NCAM2: variants seen among roughly 807,000 people sequenced by gnomAD.
NCAM2 encodes neural cell adhesion molecule 2.
NCAM2 carries 30 observed loss-of-function variants against 98.1 expected under a neutral mutation model. The observed-to-expected ratio is 0.31, with a 90% CI of 0.23 to 0.41. The LOEUF (loss-of-function observed/expected upper bound fraction) is 0.41. NCAM2 is among the 10% of genes least tolerant of loss of function. The pLI is 1.00. For synonymous variants in NCAM2, 368 were observed against 342.4 expected, an observed-to-expected ratio of 1.07 and a Z score of -0.83; for missense variants, 867 against 1,005.8, an observed-to-expected ratio of 0.86 and a Z score of 1.87.
intron 5 of NCAM2, among the ~76,000 whole-genome samples, chr21:21,307,706 C>G: frequency 6.6e-6 from 1 of 152,092 alleles, no homozygotes; most frequent in East Asian, 1.9e-4. Context: ...TGAGCAATTC[C>G]CTTCTGAACC....
At chr21:21,308,353 T>G (rs187881019) in intron 5 of NCAM2, among the ~76,000 whole-genome samples, 29 of 152,176 alleles carry the variant, frequency 1.9e-4, no homozygotes, top group Admixed American at 1.6e-3. Context: ...GAGAAAACCT[T>G]TTTTTACTTT....
intron 10 of NCAM2, among the ~76,000 whole-genome samples, chr21:21,418,266 T>A (rs2145955859): frequency 6.6e-6 from 1 of 152,188 alleles, no homozygotes; most frequent in Non-Finnish European, 1.5e-5. Flanking sequence ...ATTTGCCTAG[T>A]CCTGTGGATA....
rs370028865 is a variant in NCAM2 at position 21,249,076 on chromosome 21, A to G, written c.56-31502A>G. ...TAGCTTTCCTTACCAATTATGAGGT[A>G]AAAATAGTAATAAAATAATAATAAT... On this transcript the variant is annotated intron_variant, in intron 1 of 17. Transcript: ENST00000400546. 2.0e-4 allele frequency among the ~76,000 whole-genome samples: 30 copies of G among 152,264 alleles called. No individual in the cohort carries two copies. The East Asian group carries it at 4.2e-3, about 22-fold the overall frequency.
intron 1 of NCAM2, among the ~76,000 whole-genome samples, chr21:21,004,137 A>G (rs1308621193): frequency 1.3e-5 from 2 of 152,176 alleles, no homozygotes; most frequent in East Asian, 1.9e-4. Context: ...TCCTAACACC[A>G]AACTTGTTCA....
intron 1 of NCAM2, among the ~76,000 whole-genome samples, chr21:21,127,509 T>C (rs2066851570): frequency 6.6e-6 from 1 of 152,090 alleles, no homozygotes; most frequent in Non-Finnish European, 1.5e-5. Flanking sequence ...CTATAATTTC[T>C]CTGTAACTAT....
chr21:21,145,445 C>T (rs2067251927), intron 1 of NCAM2, among the ~76,000 whole-genome samples: 1 of 152,100 alleles, frequency 6.6e-6, no homozygotes, highest in Non-Finnish European at 1.5e-5. Context: ...TGATAACAAT[C>T]TTCATAAAAA....
chr21:21,117,752 C>T (rs867599169), intron 1 of NCAM2, among the ~76,000 whole-genome samples: 78 of 152,144 alleles, frequency 5.1e-4, no homozygotes, highest in African/African-American at 1.7e-3. Flanking sequence ...TATCTTTGTT[C>T]GTGATTCTGC....
At chr21:21,286,180 A>G (rs2073091550) in intron 3 of NCAM2, 89 bp from the exon 4 acceptor site, 1 of 1,335,896 alleles carries the variant, frequency 7.5e-7, no homozygotes, top group African/African-American at 1.5e-5. Context: ...TTATAGTATC[A>G]ATAGAGTCTG....
At chr21:21,243,184 A>T (rs1242694655) in intron 1 of NCAM2, among the ~76,000 whole-genome samples, 1 of 152,220 alleles carries the variant, frequency 6.6e-6, no homozygotes, top group African/African-American at 2.4e-5. Context: ...CAGCAGTTGC[A>T]TGAAACTCAG....
chr21:21,241,157 T>C (rs1230640066), intron 1 of NCAM2, among the ~76,000 whole-genome samples: 1 of 152,036 alleles, frequency 6.6e-6, no homozygotes, highest in East Asian at 1.9e-4. Context: ...TGCAAACACT[T>C]TCAATTAAAA....
chr21:21,506,560 A>G (rs1047485695), intron 15 of NCAM2, among the ~76,000 whole-genome samples: 9 of 152,076 alleles, frequency 5.9e-5, no homozygotes, highest in Admixed American at 3.3e-4. Flanking sequence ...ACTGATAACT[A>G]ATCTTTGGAA....
chr21:21,149,872 A>G (rs1185440561), intron 1 of NCAM2, among the ~76,000 whole-genome samples: 1 of 152,168 alleles, frequency 6.6e-6, no homozygotes, highest in African/African-American at 2.4e-5. Context: ...GTTTCAATAA[A>G]CATACATGTG....
chr21:21,065,580 G>A (rs968516131), intron 1 of NCAM2, among the ~76,000 whole-genome samples: 18 of 151,954 alleles, frequency 1.2e-4, no homozygotes, highest in East Asian at 3.9e-4. Context: ...TAAGTATCTC[G>A]TCATTAAAAA....
chr21:21,336,269 G>T (rs886694772), intron 7 of NCAM2, among the ~76,000 whole-genome samples: 6 of 151,952 alleles, frequency 3.9e-5, no homozygotes, highest in African/African-American at 1.5e-4. Flanking sequence ...TTTAATTAGT[G>T]TAACACTAAA....
intron 8 of NCAM2, among the ~76,000 whole-genome samples, chr21:21,348,157 AG>A (rs2147925545): frequency 6.6e-6 from 1 of 152,282 alleles, no homozygotes; most frequent in East Asian, 1.9e-4. Flanking sequence ...CAAATTGGAA[AG>A]GAAGAAGTCA....
intron 12 of NCAM2, among the ~76,000 whole-genome samples, chr21:21,459,150 C>T (rs1214215125): frequency 1.3e-5 from 2 of 151,828 alleles, no homozygotes; most frequent in Admixed American, 6.6e-5. Flanking sequence ...ATTGAGATAT[C>T]AACTCACACC....
chr21:21,277,044 C>A (rs567656899), intron 1 of NCAM2, among the ~76,000 whole-genome samples: 1 of 152,058 alleles, frequency 6.6e-6, no homozygotes, highest in South Asian at 2.1e-4. Flanking sequence ...CTTTCAAGTT[C>A]TTTTTTATAA....
intron 1 of NCAM2, among the ~76,000 whole-genome samples, chr21:21,116,054 G>A (rs1208610296): frequency 6.7e-6 from 1 of 149,332 alleles, no homozygotes; most frequent in African/African-American, 2.5e-5. Flanking sequence ...TGTCTTTCAT[G>A]AGAAGGGTTT....
intron 1 of NCAM2, chr21:21,210,805 G>A (rs542480144): frequency 9.4e-4 from 353 of 374,918 alleles, no homozygotes; most frequent in African/African-American, 7.0e-3. Flanking sequence ...GGGAGAATGT[G>A]TCTTGTAGTT....
Sources: gnomAD v4.1 joint callset for allele counts (sites outside exome capture counted in the v4.1 genomes callset) on GRCh38, gnomAD v4.1.1 for gene constraint, MANE v1.5 for transcripts, NCBI Gene and HGNC (gene_info 2026-07-23, HGNC 2026-07-21) for gene names.